Variants in RO60 observed in about 807,000 individuals in gnomAD.
The protein encoded by RO60 is Ro60, Y RNA binding protein.
RO60 carries 20 observed loss-of-function variants against 55.3 expected under a neutral mutation model. That is an observed-to-expected ratio of 0.36 (90% CI 0.25 to 0.53). The LOEUF (loss-of-function observed/expected upper bound fraction) is 0.53. Among genes scored for constraint, RO60 ranks in the 20% least tolerant of loss-of-function variants. The pLI is 0.92. For missense variants in RO60, 558 were observed against 646.6 expected, an observed-to-expected ratio of 0.86 and a Z score of 1.49; for synonymous variants, 213 against 213.6, an observed-to-expected ratio of 1.00 and a Z score of 0.02.
intron 2 of RO60, among the ~76,000 whole-genome samples, chr1:193,072,926 T>G (rs1236141939): frequency 6.6e-6 from 1 of 152,226 alleles, no homozygotes; most frequent in Non-Finnish European, 1.5e-5. Flanking sequence ...ACCATGTTAG[T>G]AATAGCAATA....
chr1:193,072,759 T>C (rs888922410), intron 2 of RO60, among the ~76,000 whole-genome samples: 8 of 152,230 alleles, frequency 5.3e-5, no homozygotes, highest in Non-Finnish European at 1.0e-4. Context: ...TTACTAGTTC[T>C]AACTGGACCA....
chr1:193,060,991 A>G (rs1183808865), intron 1 of RO60, among the ~76,000 whole-genome samples: 2 of 152,206 alleles, frequency 1.3e-5, no homozygotes, highest in African/African-American at 4.8e-5. Flanking sequence ...ACCCAACTTA[A>G]TTAACATGGT....
intron 1 of RO60, among the ~76,000 whole-genome samples, chr1:193,061,210 C>G (rs1167496078): frequency 6.6e-6 from 1 of 152,196 alleles, no homozygotes; most frequent in Non-Finnish European, 1.5e-5. Context: ...TCCCCTCAGA[C>G]TAGCATGCTG....
chr1:193,091,577 T>C (rs1237587862), downstream of RO60: 3 of 1,200,172 alleles, frequency 2.5e-6, no homozygotes, highest in Admixed American at 1.8e-5. Flanking sequence ...TGAATGAATA[T>C]ATTAATGTAT....
In RO60 at chr1:193,065,538, G is replaced by A. The variant is rs549082658; in HGVS notation, c.-21-3496G>A. On this transcript the variant is annotated intron_variant, in intron 1 of 8. Coordinates refer to ENST00000400968, the MANE Select transcript of RO60 (RefSeq NM_001173524.2). ...TTTATGAAAGCTGAGGGAGAGACTA[G>A]CAAAGTCTATGTAATGTAAAGATCA... Among the ~76,000 whole-genome samples the A allele has an allele frequency of 1.9e-4, 29 of 152,270 alleles. No homozygotes were observed. In the South Asian group the frequency reaches 6.0e-3, roughly 32 times the overall value.
chr1:193,069,724 T>G, intron 2 of RO60, 90 bp downstream of exon 2: 1 of 1,036,348 alleles, frequency 9.6e-7, no homozygotes. Context: ...AAGTGTGTAA[T>G]ATTTTCTAGA....
Position 193,076,490 on chromosome 1 carries a change from T to A in RO60, c.802-11T>A, listed in dbSNP as rs756509934. The A allele has an allele frequency of 6.2e-7, 1 of 1,607,826 alleles. No individual in the cohort carries two copies. Among genetic ancestry groups the A allele is most frequent in the Admixed American group, 1.7e-5 (1 of 58,428 alleles). Reference sequence around the variant, plus strand: ...TAATTCCTGGTATTTCTGCCTATGTTATTGCAATAGGTATGGAAGGCTTTG... The same window carrying A: ...TAATTCCTGGTATTTCTGCCTATGTAATTGCAATAGGTATGGAAGGCTTTG... On this transcript the variant is annotated splice_polypyrimidine_tract_variant and intron_variant, in intron 3 of 8. Transcript: ENST00000400968.
At position 193,059,683 on chromosome 1, in the gene RO60, G is replaced by C; in HGVS notation, c.-115G>C. Reference sequence around the variant, plus strand: ...TGTTGCTGTTGCTGTGGCTGTCGCTGCCCGTCAGGCTGCCTTCTTTTGTCG... The same window carrying C: ...TGTTGCTGTTGCTGTGGCTGTCGCTCCCCGTCAGGCTGCCTTCTTTTGTCG... On this transcript the variant is annotated 5_prime_UTR_variant, in exon 1 of 9. Coordinates refer to ENST00000400968, the MANE Select transcript of RO60 (RefSeq NM_001173524.2). The surrounding 1 kb of genome is among the most constrained non-coding windows in gnomAD (Gnocchi z 4.9). 2.2e-6 allele frequency: 3 copies of C among 1,363,598 alleles called. No homozygotes were observed. The highest frequency in any genetic ancestry group is 2.9e-6 in the Non-Finnish European group (3 of 1,022,646). The allele number at this position is 1,363,598 out of a possible 1,614,324, so 84.5% of individuals were successfully genotyped here. A position where few individuals can be genotyped will look rare whatever the true frequency, so the allele number is the denominator to read the frequency against.
In RO60 at chr1:193,085,074, A is replaced by G; in HGVS notation, c.*343A>G. ...AAAAAGTGTAATTCCACATCATGTT[A>G]CTTGAGAAGTGCTTAACGTTTTCTT... is the stretch of plus-strand genomic sequence containing the variant. On this transcript the variant is annotated 3_prime_UTR_variant, in exon 9 of 9. Coordinates refer to ENST00000400968, the MANE Select transcript of RO60 (RefSeq NM_001173524.2). The G allele has an allele frequency of 6.7e-7, 1 of 1,502,932 alleles. No individual in the cohort carries two copies. The highest frequency in any genetic ancestry group is 8.8e-7 in the Non-Finnish European group (1 of 1,131,120). The allele number at this position is 1,502,932 out of a possible 1,614,324, so 93.1% of individuals were successfully genotyped here.
At chr1:193,070,965 A>G (rs1673448909) in intron 2 of RO60, among the ~76,000 whole-genome samples, 1 of 152,264 alleles carries the variant, frequency 6.6e-6, no homozygotes, top group South Asian at 2.1e-4. Flanking sequence ...AAATAACTGC[A>G]TATCAGCAGT....
In RO60 at chr1:193,069,018, T is replaced by C. The variant is rs1174590194; in HGVS notation, c.-21-16T>C. ...TGTGCCCATCTAGTTGTAATAACAT[T>C]TTGCCTTTTTGTTAGGTTTCCTAAA... On this transcript the variant is annotated splice_polypyrimidine_tract_variant and intron_variant, in intron 1 of 8. Transcript: ENST00000400968. The C allele has an allele frequency of 3.4e-5, 52 of 1,551,210 alleles. No individual in the cohort carries two copies. The highest frequency in any genetic ancestry group is 4.5e-5 in the Non-Finnish European group (51 of 1,139,210).
chr1:193,061,593 T>C (rs146117562), intron 1 of RO60, among the ~76,000 whole-genome samples: 56 of 152,388 alleles, frequency 3.7e-4, no homozygotes, highest in African/African-American at 1.2e-3. Context: ...TGCTATTATA[T>C]AATGTGTGTT....
At chr1:193,071,207 G>T (rs1673470200) in intron 2 of RO60, among the ~76,000 whole-genome samples, 1 of 152,170 alleles carries the variant, frequency 6.6e-6, no homozygotes, top group Admixed American at 6.5e-5. Context: ...GAGCTCACTT[G>T]CCTGCTGCTC....
rs184155102 is a variant in RO60, at chr1:193,089,777, T to C, written c.*5046T>C. On this transcript the variant is annotated 3_prime_UTR_variant, in exon 9 of 9. Transcript: ENST00000400968. ...TTAGCCCTGCCATGCACCACATTAATTTTATGAACATAAATGATATTTAAC... is the reference window on the plus strand; with the variant it reads ...TTAGCCCTGCCATGCACCACATTAACTTTATGAACATAAATGATATTTAAC... 5 of 152,128 alleles carry C rather than the reference T, an allele frequency of 3.3e-5. No individual in the cohort carries two copies. The highest frequency in any genetic ancestry group is 3.3e-4 in the Admixed American group (5 of 15,274). 9.4% of individuals were successfully genotyped at this position (152,128 alleles called of 1,614,324 possible). A position where few individuals can be genotyped will look rare whatever the true frequency, so the allele number is the denominator to read the frequency against.
At chr1:193,063,932 A>G (rs1004040196) in intron 1 of RO60, among the ~76,000 whole-genome samples, 1 of 152,132 alleles carries the variant, frequency 6.6e-6, no homozygotes, top group African/African-American at 2.4e-5. Flanking sequence ...GCCAAACAAG[A>G]AGTAGACACA....
Position 193,085,015 on chromosome 1 carries a change from G to T in RO60, c.*284G>T. The stretch of plus-strand genomic sequence containing the variant: ...CACTGTAAAATAGTTTTGCTTTGTT[G>T]AATAATACGTGTGTACCTAAAAGAG... On this transcript the variant is annotated 3_prime_UTR_variant, in exon 9 of 9. Coordinates refer to ENST00000400968, the MANE Select transcript of RO60 (RefSeq NM_001173524.2). 1.3e-6 allele frequency: 2 copies of T among 1,543,990 alleles called. No homozygotes were observed. The highest frequency in any genetic ancestry group is 1.2e-5 in the South Asian group (1 of 83,576).
chr1:193,076,432 T>A (rs913139028), intron 3 of RO60, 69 bp from the exon 4 acceptor site: 67 of 1,483,532 alleles, frequency 4.5e-5, no homozygotes, highest in Non-Finnish European at 6.0e-5. Flanking sequence ...AATATTTTTT[T>A]ATATAGGTAT....
intron 6 of RO60, among the ~76,000 whole-genome samples, chr1:193,081,780 T>A (rs796602052): frequency 7.9e-5 from 12 of 152,244 alleles, no homozygotes; most frequent in East Asian, 7.7e-4. Flanking sequence ...ACAAATTTTT[T>A]AAAAATTTAT....
chr1:193,061,181 G>A lies in RO60; in HGVS notation c.-22+1405G>A, dbSNP rs536273314. ...CTGGCAACTACTAGTTCCATACCAC[G>A]TGGCAACCAGTTGGCAGCTCCCCTC... On this transcript the variant is annotated intron_variant, in intron 1 of 8. Transcript: ENST00000400968. 7.5e-4 allele frequency among the ~76,000 whole-genome samples: 114 copies of A among 152,224 alleles called. 1 individual carries two copies. Among genetic ancestry groups the A allele is most frequent in the Non-Finnish European group, 4.1e-4 (28 of 68,014 alleles).
Sources: gnomAD v4.1 joint callset for allele counts (sites outside exome capture counted in the v4.1 genomes callset) on GRCh38, gnomAD v4.1.1 for gene constraint, Gnocchi (gnomAD v3.1) non-coding constraint, MANE v1.5 for transcripts, NCBI Gene and HGNC (gene_info 2026-07-23, HGNC 2026-07-21) for gene names.